TRAPPC9: variants seen among roughly 807,000 people sequenced by gnomAD.
The protein encoded by TRAPPC9 is trafficking protein particle complex subunit 9.
A neutral mutation model predicts 124.0 loss-of-function variants in TRAPPC9; 83 were observed. The observed-to-expected ratio is 0.67, with a 90% CI of 0.56 to 0.80. The LOEUF is 0.80. TRAPPC9 is among the 30% of genes least tolerant of loss of function. The pLI, the probability that TRAPPC9 is intolerant of heterozygous loss-of-function variation, is 0.00. For missense variants in TRAPPC9, 1,302 were observed against 1,508.3 expected, an observed-to-expected ratio of 0.86 and a Z score of 2.27; for synonymous variants, 638 against 617.5, an observed-to-expected ratio of 1.03 and a Z score of -0.49.
intron 17 of TRAPPC9, among the ~76,000 whole-genome samples, chr8:140,052,349 A>C (rs1842053404): frequency 6.6e-6 from 1 of 152,200 alleles, no homozygotes; most frequent in East Asian, 1.9e-4. Context: ...AAATAATGAT[A>C]GTAATGGCCG....
chr8:140,263,094 G>A (rs905224544), intron 15 of TRAPPC9, among the ~76,000 whole-genome samples: 13 of 152,212 alleles, frequency 8.5e-5, no homozygotes, highest in African/African-American at 1.9e-4. Flanking sequence ...TGCCCGATAC[G>A]ATGGCCACCA....
At chr8:140,251,879 C>T (rs2064138959) in intron 16 of TRAPPC9, among the ~76,000 whole-genome samples, 1 of 152,162 alleles carries the variant, frequency 6.6e-6, no homozygotes, top group Non-Finnish European at 1.5e-5. Flanking sequence ...ATCTCAGACT[C>T]CCAGTCTCCA....
intron 21 of TRAPPC9, among the ~76,000 whole-genome samples, chr8:139,848,766 T>C (rs1827264653): frequency 6.6e-6 from 1 of 152,114 alleles, no homozygotes; most frequent in African/African-American, 2.4e-5. Flanking sequence ...AACAAGCCCT[T>C]GTTGTCTTTC....
At position 139,788,615 on chromosome 8, in the gene TRAPPC9, A is replaced by C. The variant is rs1822439015; in HGVS notation, c.3056-56413T>G. ...CGACAGCCCATGAAGAACGGTACCC[A>C]CCCCCGCCCCCGTGTGAGATGCTGG... On this transcript the variant is annotated intron_variant, in intron 21 of 22. Coordinates refer to ENST00000438773, the MANE Select transcript of TRAPPC9 (RefSeq NM_001160372.4). The surrounding 1 kb of genome is among the most constrained non-coding windows in gnomAD (Gnocchi z 4.9). Among the ~76,000 whole-genome samples the C allele has an allele frequency of 6.7e-6, 1 of 150,000 alleles. No homozygotes were observed.
intron 17 of TRAPPC9, among the ~76,000 whole-genome samples, chr8:140,214,617 C>T (rs905128155): frequency 1.3e-5 from 2 of 152,186 alleles, no homozygotes; most frequent in Non-Finnish European, 2.9e-5. Context: ...GAAGCATTGT[C>T]GTTCAATTTT....
intron 9 of TRAPPC9, among the ~76,000 whole-genome samples, chr8:140,316,503 T>G (rs2066447449): frequency 6.6e-6 from 1 of 152,212 alleles, no homozygotes; most frequent in African/African-American, 2.4e-5. Context: ...TCTGCTTCTA[T>G]AGAAATGATA....
chr8:140,106,368 T>C (rs1236793473), intron 17 of TRAPPC9, among the ~76,000 whole-genome samples: 2 of 152,184 alleles, frequency 1.3e-5, no homozygotes, highest in Non-Finnish European at 2.9e-5. Flanking sequence ...TTCCCAACTG[T>C]CAGTTATCCC....
intron 21 of TRAPPC9, among the ~76,000 whole-genome samples, chr8:139,802,184 AG>A (rs1823584529): frequency 6.6e-6 from 1 of 152,218 alleles, no homozygotes; most frequent in African/African-American, 2.4e-5. Flanking sequence ...GGGAGCAAGC[AG>A]GGTGGAGAAT....
Position 140,451,134 on chromosome 8 carries a change from G to A in TRAPPC9, c.240C>T (p.Leu80=). 1 of 1,614,128 alleles carries A rather than the reference G, an allele frequency of 6.2e-7. No individual in the cohort carries two copies. Among genetic ancestry groups the A allele is most frequent in the Non-Finnish European group, 8.5e-7 (1 of 1,180,008 alleles). The change falls in exon 2 of 23, where the codon CTC becomes CTT. Residue 80 remains leucine (L), a synonymous_variant. Coordinates refer to ENST00000438773, the MANE Select transcript of TRAPPC9 (RefSeq NM_001160372.4). ...CCGAGAAGCAGTCTGTGATGGTGAT[G>A]AGGCCCACGACTTTGCGGTGGGTCT... ...DFQTHRKVVG[L]ITITDCFSAK...
intron 17 of TRAPPC9, among the ~76,000 whole-genome samples, chr8:140,042,162 G>A (rs184821428): frequency 1.1e-3 from 167 of 151,936 alleles, no homozygotes; most frequent in Admixed American, 5.2e-3. Flanking sequence ...ATTATTTAAG[G>A]AGAGAAATAA....
chr8:139,779,341 G>A (rs571385495), intron 21 of TRAPPC9, among the ~76,000 whole-genome samples: 4 of 152,208 alleles, frequency 2.6e-5, no homozygotes, highest in East Asian at 1.9e-4. Context: ...CAGCAGACTC[G>A]CATTATCAGA....
chr8:140,056,470 T>C (rs933506850), intron 17 of TRAPPC9, among the ~76,000 whole-genome samples: 1 of 150,446 alleles, frequency 6.6e-6, no homozygotes, highest in Admixed American at 6.6e-5. Context: ...CTGACAGACA[T>C]ATGAGATCAA....
At chr8:139,996,170 A>AAAAAAAAAAAAAAAAAAG (rs1837968724) in intron 18 of TRAPPC9, among the ~76,000 whole-genome samples, 1 of 147,156 alleles carries the variant, frequency 6.8e-6, no homozygotes, top group Non-Finnish European at 1.5e-5. Flanking sequence ...AAAAAAAAAA[A>AAAAAAAAAAAAAAAAAAG]AAAAAAAAAA....
intron 19 of TRAPPC9, chr8:139,914,030 T>C (rs1482823991): frequency 6.6e-6 from 1 of 152,286 alleles, no homozygotes; most frequent in African/African-American, 2.4e-5. Flanking sequence ...CACTGCTGCA[T>C]TGTGTGCAGC....
chr8:140,033,126 T>C (rs1230505919), intron 17 of TRAPPC9, among the ~76,000 whole-genome samples: 1 of 152,188 alleles, frequency 6.6e-6, no homozygotes, highest in Non-Finnish European at 1.5e-5. Context: ...GATTACCCCT[T>C]GTACGAAATC....
chr8:140,091,871 G>A (rs1461519857), intron 17 of TRAPPC9, among the ~76,000 whole-genome samples: 1 of 152,094 alleles, frequency 6.6e-6, no homozygotes, highest in Non-Finnish European at 1.5e-5. Context: ...TGGGGACAGA[G>A]GCCAACCCCA....
intron 9 of TRAPPC9, among the ~76,000 whole-genome samples, chr8:140,350,292 A>T (rs2067518941): frequency 6.6e-6 from 1 of 152,110 alleles, no homozygotes; most frequent in African/African-American, 2.4e-5. Flanking sequence ...CCCTCCATCA[A>T]GGTGACTTTG....
intron 17 of TRAPPC9, among the ~76,000 whole-genome samples, chr8:140,047,546 G>A (rs1011052686): frequency 2.6e-5 from 4 of 152,206 alleles, no homozygotes; most frequent in East Asian, 1.9e-4. Flanking sequence ...AACACATCGC[G>A]CATGAAGAAG....
chr8:139,874,041 C>T (rs1282000156), intron 21 of TRAPPC9, among the ~76,000 whole-genome samples: 1 of 152,262 alleles, frequency 6.6e-6, no homozygotes, highest in African/African-American at 2.4e-5. Flanking sequence ...AGTCAACCAC[C>T]CTGAAGGCCA....
Sources: gnomAD v4.1 joint callset for allele counts (sites outside exome capture counted in the v4.1 genomes callset) on GRCh38, gnomAD v4.1.1 for gene constraint, Gnocchi (gnomAD v3.1) non-coding constraint, MANE v1.5 for transcripts, NCBI Gene and HGNC (gene_info 2026-07-23, HGNC 2026-07-21) for gene names.